PKHD1: variants seen among roughly 807,000 people sequenced by gnomAD.
The protein encoded by PKHD1 is PKHD1 ciliary IPT domain containing fibrocystin/polyductin, also known as fibrocystin.
PKHD1 carries 291 observed loss-of-function variants against 412.0 expected under a neutral mutation model. The ratio of observed to expected loss-of-function variants is 0.71; its 90% CI spans 0.64 to 0.78. The LOEUF (loss-of-function observed/expected upper bound fraction) is 0.78, where lower values mean the gene tolerates loss of function less well. PKHD1 is among the 30% of genes least tolerant of loss of function. The probability of loss-of-function intolerance (pLI) is 0.00; values close to 1 mark genes in which losing one functional copy is unlikely to be tolerated. For synonymous variants in PKHD1, 1,777 were observed against 1,821.5 expected (o/e 0.98, Z 0.62); for missense variants, 4,825 against 4,950.7 (o/e 0.97, Z 0.76).
chr6:51,944,468 T>C (rs1789120497), intron 36 of PKHD1, among the ~76,000 whole-genome samples: 1 of 152,142 alleles, frequency 6.6e-6, no homozygotes, highest in Admixed American at 6.5e-5. Context: ...TTTTAGGCTT[T>C]TGTATTTCTG....
At chr6:51,948,442 C>T (rs1178454414) in intron 36 of PKHD1, among the ~76,000 whole-genome samples, 3 of 152,204 alleles carry the variant, frequency 2.0e-5, no homozygotes, top group African/African-American at 4.8e-5. Flanking sequence ...CCAACTACCA[C>T]CTCCAATGTG....
chr6:52,007,763 T>A (rs1182550081), intron 35 of PKHD1, among the ~76,000 whole-genome samples: 1 of 152,192 alleles, frequency 6.6e-6, no homozygotes, highest in Admixed American at 6.5e-5. Context: ...AATCTAGAAT[T>A]AACAATTTTC....
intron 44 of PKHD1, 102 bp downstream of exon 44, chr6:51,887,031 C>A: frequency 1.3e-6 from 1 of 785,596 alleles, no homozygotes; most frequent in East Asian, 2.5e-5. Context: ...GAACATCACC[C>A]AATCTCCAAC....
chr6:51,981,317 CTCTCCCTCTCCCTCTCCCTCT>C, intron 35 of PKHD1, among the ~76,000 whole-genome samples: 1 of 13,856 alleles, frequency 7.2e-5, no homozygotes, highest in African/African-American at 2.2e-4. Flanking sequence ...CAAGCTCTCC[CTCTCCCTCTCCCTCTCCCTCT>C]CCCTCTCCCT....
At chr6:51,783,314 T>C (rs182713893) in intron 53 of PKHD1, among the ~76,000 whole-genome samples, 95 of 150,182 alleles carry the variant, frequency 6.3e-4, no homozygotes, top group African/African-American at 2.2e-3. Flanking sequence ...TCCATTAGGA[T>C]ATGTGTTTCA....
At chr6:51,737,727 A>T (rs111525849) in intron 60 of PKHD1, among the ~76,000 whole-genome samples, 8 of 149,612 alleles carry the variant, frequency 5.3e-5, no homozygotes, top group Non-Finnish European at 1.0e-4. Flanking sequence ...TGTGTGTGTG[A>T]GTGTGTGTGT....
chr6:51,795,256 T>C (rs1365039081), intron 52 of PKHD1, among the ~76,000 whole-genome samples: 2 of 152,196 alleles, frequency 1.3e-5, no homozygotes, highest in Admixed American at 1.3e-4. Flanking sequence ...CCTTGTTAGC[T>C]GTATTCACAG....
At chr6:52,073,251 T>C (rs1022732265) in intron 7 of PKHD1, among the ~76,000 whole-genome samples, 3 of 152,208 alleles carry the variant, frequency 2.0e-5, no homozygotes, top group Non-Finnish European at 4.4e-5. Flanking sequence ...TGACTAGTTG[T>C]CAGTAAATAA....
At chr6:51,811,847 G>A (rs532689120) in intron 52 of PKHD1, among the ~76,000 whole-genome samples, 1 of 152,056 alleles carries the variant, frequency 6.6e-6, no homozygotes, top group Non-Finnish European at 1.5e-5. Flanking sequence ...ATCCAGGGGA[G>A]GGCAAAAAGA....
chr6:51,647,981 T>G (rs761575028), intron 63 of PKHD1, 50 bp downstream of exon 63: 2 of 1,037,162 alleles, frequency 1.9e-6, no homozygotes, highest in African/African-American at 3.1e-5. Context: ...ACATTTTCTG[T>G]GCAGATAAAG....
Position 51,750,673 on chromosome 6 carries a change from T to C in PKHD1, c.8951-2008A>G, listed in dbSNP as rs530424377. Among the ~76,000 whole-genome samples the C allele has an allele frequency of 1.2e-4, 19 of 152,332 alleles. No homozygotes were observed. In the South Asian group the frequency reaches 3.3e-3, roughly 27 times the overall value. On this transcript the variant is annotated intron_variant, in intron 57 of 66. Transcript: ENST00000371117. The stretch of plus-strand genomic sequence containing the variant: ...CTTATGCTTCCATGGATTTGATTCA[T>C]AGTTTTAAACTGTACAAGGTCTTTT...
intron 45 of PKHD1, among the ~76,000 whole-genome samples, chr6:51,885,069 T>A (rs756635375): frequency 3.3e-5 from 5 of 152,218 alleles, no homozygotes. Context: ...GTATTCTATT[T>A]CCTGAAGGCT....
At chr6:51,811,138 G>T (rs984431145) in intron 52 of PKHD1, among the ~76,000 whole-genome samples, 3 of 151,996 alleles carry the variant, frequency 2.0e-5, no homozygotes, top group Non-Finnish European at 2.9e-5. Flanking sequence ...TTTTCTCCAG[G>T]TTCTGAAAGA....
rs2150227205 is a variant in PKHD1 at position 51,615,651 on chromosome 6, T to A, written c.*3430A>T. 1 of 152,350 alleles carries A rather than the reference T, an allele frequency of 6.6e-6. No homozygotes were observed. 9.4% of individuals were successfully genotyped at this position (152,350 alleles called of 1,614,324 possible). On this transcript the variant is annotated 3_prime_UTR_variant, in exon 67 of 67. Transcript: ENST00000371117. ...AATAATATTTGCATATGATTTACATTTGATTTCCTCATACTCATTTTTGCA... is the reference window on the plus strand; with the variant it reads ...AATAATATTTGCATATGATTTACATATGATTTCCTCATACTCATTTTTGCA...
intron 37 of PKHD1, among the ~76,000 whole-genome samples, chr6:51,929,782 G>C (rs1180037267): frequency 6.6e-6 from 1 of 152,158 alleles, no homozygotes; most frequent in Non-Finnish European, 1.5e-5. Context: ...CCTTGCAATT[G>C]CACTCGTGCT....
intron 55 of PKHD1, among the ~76,000 whole-genome samples, chr6:51,767,207 G>A (rs1434653625): frequency 6.6e-6 from 1 of 150,510 alleles, no homozygotes; most frequent in Non-Finnish European, 1.5e-5. Flanking sequence ...ACTCATATTA[G>A]AGGCATACAT....
Position 52,071,054 on chromosome 6 carries a change from C to T in PKHD1, c.619G>A (p.Asp207Asn). 7 of 1,604,240 alleles carry T rather than the reference C, an allele frequency of 4.4e-6. No individual in the cohort carries two copies. Among genetic ancestry groups the T allele is most frequent in the Non-Finnish European group, 6.0e-6 (7 of 1,171,228 alleles). ...QMGSCYPIQEDHGLGTLQCHV... is the reference protein window; with the variant it reads ...QMGSCYPIQENHGLGTLQCHV... ...CACTGCAGAGTCCCAAGACCATGGT[C>T]CTCCTGAATAGGATAACTAAGGAAA... Residue 207 changes from aspartate to asparagine, a missense_variant, in exon 9 of 67, where the codon GAC becomes AAC. Coordinates refer to ENST00000371117, the MANE Select transcript of PKHD1 (RefSeq NM_138694.4).
chr6:51,752,278 G>A lies in PKHD1; in HGVS notation c.8950+923C>T, dbSNP rs183564724. ...AGATACTCCTTTCCTATGGGTGGTC[G>A]TCCTGTGCATGCAAGATGTTTGGCA... On this transcript the variant is annotated intron_variant, in intron 57 of 66. Transcript: ENST00000371117. 7.2e-5 allele frequency among the ~76,000 whole-genome samples: 11 copies of A among 152,140 alleles called. No individual in the cohort carries two copies. The East Asian group carries it at 7.7e-4, about 11-fold the overall frequency.
At chr6:51,821,870 A>G (rs1423663072) in intron 52 of PKHD1, among the ~76,000 whole-genome samples, 3 of 152,232 alleles carry the variant, frequency 2.0e-5, no homozygotes, top group African/African-American at 7.2e-5. Flanking sequence ...TATTTTTAGT[A>G]GAGACAGGGT....
Sources: gnomAD v4.1 joint callset for allele counts (sites outside exome capture counted in the v4.1 genomes callset) on GRCh38, gnomAD v4.1.1 for gene constraint, MANE v1.5 for transcripts, NCBI Gene and HGNC (gene_info 2026-07-23, HGNC 2026-07-21) for gene names.